The following DNAJC1 variants were observed in gnomAD, a reference collection of about 807,000 sequenced individuals.
The protein encoded by DNAJC1 is dnaJ homolog subfamily C member 1.
DNAJC1 carries 58 observed loss-of-function variants against 76.6 expected under a neutral mutation model. The ratio of observed to expected loss-of-function variants is 0.76; its 90% CI spans 0.61 to 0.94. DNAJC1 has a LOEUF of 0.94. DNAJC1 is among the 40% of genes least tolerant of loss of function. The pLI is 0.00. For synonymous variants in DNAJC1, 258 were observed against 267.9 expected (o/e 0.96, Z 0.36); for missense variants, 689 against 677.3 (o/e 1.02, Z -0.19).
At chr10:21,831,443 T>C (rs1169423713) in intron 8 of DNAJC1, among the ~76,000 whole-genome samples, 18 of 152,218 alleles carry the variant, frequency 1.2e-4, no homozygotes. Flanking sequence ...AGATTTACTT[T>C]TCATTCTTTT....
intron 6 of DNAJC1, among the ~76,000 whole-genome samples, chr10:21,906,510 T>C (rs554317633): frequency 6.6e-6 from 1 of 152,116 alleles, no homozygotes; most frequent in Non-Finnish European, 1.5e-5. Context: ...CAGGAAGGCA[T>C]TGGCTCCTTG....
chr10:21,955,191 A>T (rs1394979526), intron 1 of DNAJC1, among the ~76,000 whole-genome samples: 1 of 152,244 alleles, frequency 6.6e-6, no homozygotes, highest in African/African-American at 2.4e-5. Flanking sequence ...TTAATCCGTT[A>T]TAACATTGCA....
chr10:21,842,983 T>C (rs1313129694), intron 8 of DNAJC1, among the ~76,000 whole-genome samples: 4 of 152,128 alleles, frequency 2.6e-5, no homozygotes, highest in Non-Finnish European at 5.9e-5. Flanking sequence ...TCTTATTAGT[T>C]GAATAAATAA....
intron 8 of DNAJC1, among the ~76,000 whole-genome samples, chr10:21,872,293 C>T (rs781292021): frequency 3.9e-5 from 6 of 152,072 alleles, no homozygotes; most frequent in Non-Finnish European, 8.8e-5. Flanking sequence ...TGGTCTCAAA[C>T]GCCTGACCTC....
chr10:21,920,652 GAAA>G, intron 4 of DNAJC1, 143 bp downstream of exon 4: 1 of 643,048 alleles, frequency 1.6e-6, no homozygotes, highest in Admixed American at 4.1e-5. Context: ...TCTTGACTTA[GAAA>G]TATGTCAAAC....
chr10:21,902,543 G>A (rs746225451), intron 7 of DNAJC1, among the ~76,000 whole-genome samples: 3 of 152,192 alleles, frequency 2.0e-5, no homozygotes, highest in South Asian at 2.1e-4. Context: ...GACCTCTGGT[G>A]ATCCGCCTGT....
chr10:21,766,871 G>A (rs1268598024), intron 9 of DNAJC1, among the ~76,000 whole-genome samples: 1 of 151,458 alleles, frequency 6.6e-6, no homozygotes, highest in Non-Finnish European at 1.5e-5. Flanking sequence ...TCGGGAGGCT[G>A]AGGCAGGAGA....
chr10:21,854,363 A>C (rs1206290544), intron 8 of DNAJC1, among the ~76,000 whole-genome samples: 1 of 151,858 alleles, frequency 6.6e-6, no homozygotes, highest in Non-Finnish European at 1.5e-5. Flanking sequence ...AAAAAAAAAA[A>C]AAAAAAACTG....
chr10:21,841,661 T>C (rs540172753), intron 8 of DNAJC1, among the ~76,000 whole-genome samples: 1 of 152,296 alleles, frequency 6.6e-6, no homozygotes, highest in African/African-American at 2.4e-5. Flanking sequence ...GGTGGGACTG[T>C]AAACTAGTTC....
chr10:21,956,915 G>A (rs937273327), intron 1 of DNAJC1, among the ~76,000 whole-genome samples: 1 of 59,126 alleles, frequency 1.7e-5, no homozygotes, highest in Non-Finnish European at 3.3e-5. Context: ...TTTTTTTTTT[G>A]AGACAGAGTT....
At chr10:21,823,539 T>C (rs78040180) in intron 8 of DNAJC1, among the ~76,000 whole-genome samples, 2 of 152,262 alleles carry the variant, frequency 1.3e-5, no homozygotes, top group East Asian at 3.9e-4. Flanking sequence ...CATATTTTCT[T>C]CCTTCAATAA....
intron 1 of DNAJC1, among the ~76,000 whole-genome samples, chr10:21,992,454 G>A (rs1838341338): frequency 6.6e-6 from 1 of 152,154 alleles, no homozygotes; most frequent in Non-Finnish European, 1.5e-5. Flanking sequence ...TAGGGAGGCT[G>A]AGGCAGGAGA....
intron 8 of DNAJC1, among the ~76,000 whole-genome samples, chr10:21,880,377 A>G (rs1334089939): frequency 6.6e-6 from 1 of 152,180 alleles, no homozygotes; most frequent in African/African-American, 2.4e-5. Context: ...TCCTTCCCAG[A>G]AAGTTTTCAA....
At chr10:21,865,658 G>C (rs934895956) in intron 8 of DNAJC1, 2 of 152,014 alleles carry the variant, frequency 1.3e-5, no homozygotes, top group Non-Finnish European at 2.9e-5. Flanking sequence ...GGGTTCACAG[G>C]TATATCTGTA....
At chr10:21,927,361 G>C (rs2131778106) in intron 3 of DNAJC1, among the ~76,000 whole-genome samples, 1 of 152,310 alleles carries the variant, frequency 6.6e-6, no homozygotes, top group African/African-American at 2.4e-5. Context: ...TAATACATTT[G>C]AGGAAAGATT....
At chr10:21,861,861 G>A (rs1460283877) in intron 8 of DNAJC1, among the ~76,000 whole-genome samples, 1 of 151,948 alleles carries the variant, frequency 6.6e-6, no homozygotes, top group Non-Finnish European at 1.5e-5. Context: ...CAGCCCTTGG[G>A]GCTGCTCGAT....
intron 1 of DNAJC1, among the ~76,000 whole-genome samples, chr10:21,931,195 G>A (rs911226590): frequency 6.6e-5 from 10 of 151,908 alleles, no homozygotes; most frequent in African/African-American, 2.2e-4. Flanking sequence ...CACCCTCTTG[G>A]CTCATCCTCC....
chr10:22,002,075 G>A (rs537563211), intron 1 of DNAJC1, among the ~76,000 whole-genome samples: 1 of 152,274 alleles, frequency 6.6e-6, no homozygotes, highest in Admixed American at 6.5e-5. Context: ...TATATTCACT[G>A]ATGGAATGAA....
chr10:21,963,248 C>T (rs57727726), intron 1 of DNAJC1, among the ~76,000 whole-genome samples: 5,069 of 152,252 alleles, frequency 0.033, 143 homozygotes, highest in African/African-American at 0.063. Flanking sequence ...ATTAGCTCCA[C>T]GCTCAGTACA....
Sources: allele counts gnomAD v4.1 joint callset (sites outside exome capture counted in the v4.1 genomes callset), GRCh38; gene constraint gnomAD v4.1.1; transcripts MANE v1.5; gene names NCBI Gene and HGNC (gene_info 2026-07-23, HGNC 2026-07-21).